The following LRP5 variants were observed in gnomAD, a reference collection of about 807,000 sequenced individuals.
The protein encoded by LRP5 is low-density lipoprotein receptor-related protein 5.
Under a neutral mutation model 154.1 loss-of-function variants are expected in LRP5, and 62 were observed. The observed-to-expected ratio is 0.40, with a 90% CI of 0.33 to 0.50. LRP5 has a LOEUF of 0.50. Among genes scored for constraint, LRP5 ranks in the 20% least tolerant of loss-of-function variants. LRP5 has a pLI of 0.55. For synonymous variants in LRP5, 966 were observed against 1,011.5 expected (o/e 0.96, Z 0.85); for missense variants, 1,915 against 2,336.7 (o/e 0.82, Z 3.72).
At chr11:68,388,555 CTGCCACCCCAGGATCTGGG>C (rs2153154321) in intron 6 of LRP5, among the ~76,000 whole-genome samples, 1 of 152,166 alleles carries the variant, frequency 6.6e-6, no homozygotes, top group African/African-American at 2.4e-5. Flanking sequence ...CACCCCTGAG[CTGCCACCCCAGGATCTGGG>C]TTCCCTCCTT....
At chr11:68,425,800 G>A (rs760302089) in intron 15 of LRP5, among the ~76,000 whole-genome samples, 178 bp from the exon 16 acceptor site, 64 of 151,970 alleles carry the variant, frequency 4.2e-4, no homozygotes, top group Non-Finnish European at 6.6e-4. Flanking sequence ...AGGGCTTTCC[G>A]AGGGCTTGTC....
At chr11:68,441,651 G>A (rs1441901354) in intron 21 of LRP5, among the ~76,000 whole-genome samples, 2 of 152,182 alleles carry the variant, frequency 1.3e-5, no homozygotes, top group Non-Finnish European at 2.9e-5. Flanking sequence ...GGCAGCTCAC[G>A]AATTCTCTTT....
In LRP5 at chr11:68,426,090, G is replaced by A. The variant is rs548336977; in HGVS notation, c.3540G>A (p.Val1180=). The change falls in exon 16 of 23, where the codon GTG becomes GTA. Residue 1180 remains valine, a synonymous_variant. Transcript: ENST00000294304. ...IDRQQQMIER[V]EKTTGDKRTR... is the part of the protein sequence containing the mutation. ...GCCAGCAGCAGATGATCGAGCGTGTGGAGAAGACCACCGGGGACAAGCGGA... is the reference window on the plus strand; with the variant it reads ...GCCAGCAGCAGATGATCGAGCGTGTAGAGAAGACCACCGGGGACAAGCGGA... 5.0e-6 allele frequency: 8 copies of A among 1,613,596 alleles called. No homozygotes were observed. Among genetic ancestry groups the A allele is most frequent in the African/African-American group, 4.0e-5 (3 of 75,060 alleles).
intron 8 of LRP5, among the ~76,000 whole-genome samples, chr11:68,405,202 C>T (rs1251459491): frequency 6.6e-6 from 1 of 151,512 alleles, no homozygotes; most frequent in Non-Finnish European, 1.5e-5. Context: ...TGTGGTGGCT[C>T]ATGCCTGAAA....
At chr11:68,368,745 C>T (rs1287771343) in intron 5 of LRP5, among the ~76,000 whole-genome samples, 2 of 152,008 alleles carry the variant, frequency 1.3e-5, no homozygotes, top group African/African-American at 2.4e-5. Flanking sequence ...GTGATCGAAC[C>T]GTAAGGCTTC....
Position 68,417,449 on chromosome 11 carries a change from C to CTTTTTTTTTTT in LRP5, c.3027+942_3027+952dup. Reference sequence around the variant, plus strand: ...ACATCATTGCATTGGAACAGATTGGCTTTTTTTTTTTTTTTTTTTTTTTTT... The same window carrying CTTTTTTTTTTT: ...ACATCATTGCATTGGAACAGATTGGCTTTTTTTTTTTTTTTTTTTTTTTTTTTTTTTTTTTT... On this transcript the variant is annotated intron_variant, in intron 13 of 22. Coordinates refer to ENST00000294304, the MANE Select transcript of LRP5 (RefSeq NM_002335.4). 1.1e-3 allele frequency among the ~76,000 whole-genome samples: 47 copies of CTTTTTTTTTTT among 41,604 alleles called. 16 individuals are homozygous for CTTTTTTTTTTT. The highest frequency in any genetic ancestry group is 2.9e-3 in the South Asian group (2 of 700). The allele number at this position is 41,604 out of a possible 152,430, so 27.3% of individuals were successfully genotyped here.
intron 17 of LRP5, among the ~76,000 whole-genome samples, chr11:68,430,997 G>C (rs867762013): frequency 6.6e-6 from 1 of 152,192 alleles, no homozygotes; most frequent in African/African-American, 2.4e-5. Flanking sequence ...ACCCTGACAC[G>C]TGATGCACAG....
chr11:68,306,158 A>T, the LRP5 span, among the ~76,000 whole-genome samples: 3 of 152,062 alleles, frequency 2.0e-5, no homozygotes, highest in East Asian at 5.8e-4. Context: ...TTTATGAGAC[A>T]GAGTTTCACT....
chr11:68,300,286 G>A, the LRP5 span, among the ~76,000 whole-genome samples: 1 of 149,230 alleles, frequency 6.7e-6, no homozygotes, highest in African/African-American at 2.4e-5. Context: ...GCTCTATGCA[G>A]GGGTGAGGGC....
rs774145162 is a variant in LRP5, at chr11:68,439,895, G to A, written c.4467G>A (p.Thr1489=). The A allele has an allele frequency of 8.5e-6, 13 of 1,525,426 alleles. No individual in the cohort carries two copies. Among genetic ancestry groups the A allele is most frequent in the African/African-American group, 4.1e-5 (3 of 73,158 alleles). The allele number at this position is 1,525,426 out of a possible 1,614,324, so 94.5% of individuals were successfully genotyped here. Residue 1489 remains threonine, a synonymous_variant, in exon 21 of 23, where the codon ACG becomes ACA. Coordinates refer to ENST00000294304, the MANE Select transcript of LRP5 (RefSeq NM_002335.4). ...TGASSSSSSS[T]KATLYPPILN... ...CCTCGTCCAGCAGCTCGTCCAGCAC[G>A]AAGGCCACGCTGTACCCGCCGGTGA...
intron 1 of LRP5, among the ~76,000 whole-genome samples, chr11:68,324,490 C>G (rs952284574): frequency 2.6e-5 from 4 of 152,206 alleles, no homozygotes; most frequent in African/African-American, 9.7e-5. Context: ...CGGATTCTCA[C>G]CCGCCCCCAG....
intron 18 of LRP5, among the ~76,000 whole-genome samples, chr11:68,434,536 T>C (rs2098673850): frequency 6.6e-6 from 1 of 152,090 alleles, no homozygotes; most frequent in East Asian, 1.9e-4. Context: ...CGCACCACCA[T>C]GCCTGGCTAA....
intron 6 of LRP5, among the ~76,000 whole-genome samples, chr11:68,389,616 CGACACTGACATTTACT>C (rs1163903228): frequency 1.3e-5 from 2 of 152,178 alleles, no homozygotes; most frequent in East Asian, 3.8e-4. Context: ...CGACATTTAC[CGACACTGACATTTACT>C]GACACTGACA....
chr11:68,329,113 C>T (rs545344849), intron 1 of LRP5, among the ~76,000 whole-genome samples: 6 of 151,532 alleles, frequency 4.0e-5, no homozygotes, highest in East Asian at 2.0e-4. Context: ...AGAGTCGTTT[C>T]GATACTGGCC....
chr11:68,425,775 A>G (rs1391409956), intron 15 of LRP5, among the ~76,000 whole-genome samples: 1 of 151,868 alleles, frequency 6.6e-6, no homozygotes, highest in Non-Finnish European at 1.5e-5. Context: ...TCCCGAGCCC[A>G]GCCCAGGTGG....
intron 1 of LRP5, among the ~76,000 whole-genome samples, chr11:68,316,294 T>G (rs61887800): frequency 0.018 from 2,774 of 152,142 alleles, 33 homozygotes; most frequent in Non-Finnish European, 0.027. Context: ...TTTTTTGAAA[T>G]GGAGTCTTGC....
intron 2 of LRP5, among the ~76,000 whole-genome samples, chr11:68,349,620 C>T (rs1355068556): frequency 1.3e-5 from 2 of 152,094 alleles, no homozygotes; most frequent in East Asian, 3.9e-4. Context: ...TCACCTGGGC[C>T]CTTGAAGGCT....
intron 5 of LRP5, among the ~76,000 whole-genome samples, chr11:68,380,208 G>C (rs185516835): frequency 5.3e-4 from 80 of 152,366 alleles, no homozygotes; most frequent in African/African-American, 1.5e-3. Context: ...ATCTAGTTGG[G>C]ACAGGCCATG....
Position 68,395,716 on chromosome 11 carries a change from T to C in LRP5, c.1584+5664T>C, listed in dbSNP as rs557539683. On this transcript the variant is annotated intron_variant, in intron 7 of 22. Transcript: ENST00000294304. ...GTGGATGCCCAGACCCGCCCTGCCA[T>C]CCACCTGCACGTCCAGAGCTGACTT... Among the ~76,000 whole-genome samples, 3 of 151,760 alleles carry C rather than the reference T, an allele frequency of 2.0e-5. No homozygotes were observed. In the South Asian group the frequency reaches 6.4e-4, roughly 32 times the overall value.
Sources: gnomAD v4.1 joint callset for allele counts (sites outside exome capture counted in the v4.1 genomes callset) on GRCh38, gnomAD v4.1.1 for gene constraint, MANE v1.5 for transcripts, NCBI Gene and HGNC (gene_info 2026-07-23, HGNC 2026-07-21) for gene names.